Variants in GLIS1 observed in about 807,000 individuals in gnomAD.
GLIS1 encodes the protein GLIS family zinc finger 1.
In GLIS1, 24 loss-of-function variants were observed where a neutral mutation model predicts 63.8. The ratio of observed to expected loss-of-function variants is 0.38; its 90% CI spans 0.27 to 0.53. The LOEUF (loss-of-function observed/expected upper bound fraction) is 0.53, where lower values mean the gene tolerates loss of function less well. Ranked by LOEUF, GLIS1 falls within the 20% of genes least tolerant of loss-of-function variation. GLIS1 has a pLI of 0.85. For synonymous variants in GLIS1, 450 were observed against 482.5 expected (o/e 0.93, Z 0.88); for missense variants, 1,036 against 1,074.1 (o/e 0.96, Z 0.50).
chr1:53,553,007 GACTA>G (rs1258570375), intron 4 of GLIS1, among the ~76,000 whole-genome samples: 1 of 152,214 alleles, frequency 6.6e-6, no homozygotes, highest in Non-Finnish European at 1.5e-5. Flanking sequence ...CTGGTGGCAG[GACTA>G]ACTGTGTCAG....
At chr1:53,531,152 G>A (rs1356317863) in intron 4 of GLIS1, among the ~76,000 whole-genome samples, 2 of 152,226 alleles carry the variant, frequency 1.3e-5, no homozygotes, top group Non-Finnish European at 2.9e-5. Flanking sequence ...CCTAGGGCAG[G>A]TGACCCTTGA....
chr1:53,573,446 G>A (rs965724838), intron 4 of GLIS1, among the ~76,000 whole-genome samples: 1 of 152,148 alleles, frequency 6.6e-6, no homozygotes, highest in Non-Finnish European at 1.5e-5. Flanking sequence ...TGACCACCCC[G>A]GCCTGAAGGA....
chr1:53,707,563 T>C (rs187407750), intron 2 of GLIS1, among the ~76,000 whole-genome samples: 1 of 151,640 alleles, frequency 6.6e-6, no homozygotes, highest in East Asian at 1.9e-4. Context: ...GGCAGGAGAA[T>C]CACTTGAACC....
At chr1:53,704,832 C>T (rs1646561008) in intron 2 of GLIS1, among the ~76,000 whole-genome samples, 1 of 152,204 alleles carries the variant, frequency 6.6e-6, no homozygotes, top group East Asian at 1.9e-4. Context: ...GAGACAACTG[C>T]TCTCTGTAAC....
chr1:53,508,675 T>C (rs1644262852), intron 10 of GLIS1, among the ~76,000 whole-genome samples: 1 of 152,106 alleles, frequency 6.6e-6, no homozygotes, highest in Non-Finnish European at 1.5e-5. Context: ...ACCAGGTACC[T>C]AAGTGGGGAA....
At chr1:53,690,390 C>G (rs1646389587) in intron 2 of GLIS1, among the ~76,000 whole-genome samples, 1 of 152,246 alleles carries the variant, frequency 6.6e-6, no homozygotes, top group Non-Finnish European at 1.5e-5. Context: ...GCGGCTTCCA[C>G]TGGCCTCATA....
intron 3 of GLIS1, among the ~76,000 whole-genome samples, chr1:53,595,230 C>T (rs1224777273): frequency 6.6e-6 from 1 of 152,086 alleles, no homozygotes; most frequent in Non-Finnish European, 1.5e-5. Context: ...AAAGAAGAGG[C>T]AGGAGGCCAG....
intron 4 of GLIS1, among the ~76,000 whole-genome samples, chr1:53,533,469 A>C (rs1438509971): frequency 6.6e-6 from 1 of 152,154 alleles, no homozygotes; most frequent in Non-Finnish European, 1.5e-5. Context: ...GTGCCCATGT[A>C]TGTTGGCCCA....
intron 2 of GLIS1, among the ~76,000 whole-genome samples, chr1:53,668,340 T>A (rs1376876503): frequency 6.6e-6 from 1 of 152,180 alleles, no homozygotes; most frequent in African/African-American, 2.4e-5. Context: ...TCCTGTATTT[T>A]TACTCTACCT....
chr1:53,641,233 C>A (rs1244404660), intron 2 of GLIS1, among the ~76,000 whole-genome samples: 1 of 152,122 alleles, frequency 6.6e-6, no homozygotes, highest in Non-Finnish European at 1.5e-5. Flanking sequence ...CTGGGCTGGA[C>A]CTTGGGCAAG....
intron 2 of GLIS1, among the ~76,000 whole-genome samples, chr1:53,671,638 C>G (rs1268678644): frequency 6.6e-6 from 1 of 152,212 alleles, no homozygotes; most frequent in Non-Finnish European, 1.5e-5. Flanking sequence ...TATTCAGGGA[C>G]AGACTGGAAG....
intron 2 of GLIS1, among the ~76,000 whole-genome samples, chr1:53,694,359 T>C (rs1000092585): frequency 2.0e-5 from 3 of 152,208 alleles, no homozygotes; most frequent in Non-Finnish European, 4.4e-5. Context: ...CCTCACCCTG[T>C]GGACTCAAGT....
chr1:53,594,340 C>G lies in GLIS1; in HGVS notation c.1088G>C (p.Gly363Ala). ...SLGGLGLGLA[G>A]RVVAGRQACR... ...CGCCTGCCGCCCGGCCACCACCCTG[C>G]CTGCCAGGCCCAGCCCCAGGCCTCC... The change falls in exon 4 of 11, where the codon GGC becomes GCC. Residue 363 changes from glycine (G) to alanine (A), a missense_variant. This residue lies in a region of GLIS1 where 592 missense variants were observed against 593.9 expected (regional missense o/e 1.00). Coordinates refer to ENST00000628545, the MANE Select transcript of GLIS1 (RefSeq NM_001367484.1). 1 of 1,611,562 alleles carries G rather than the reference C, an allele frequency of 6.2e-7. No homozygotes were observed. The highest frequency in any genetic ancestry group is 2.2e-5 in the East Asian group (1 of 44,848).
At chr1:53,610,457 A>G (rs2948050) in intron 2 of GLIS1, among the ~76,000 whole-genome samples, 114,619 of 152,126 alleles carry the variant, frequency 0.75, 43,332 homozygotes, top group Middle Eastern at 0.86. Flanking sequence ...TAGAATTCTA[A>G]GTTGGCAGTT....
intron 2 of GLIS1, among the ~76,000 whole-genome samples, chr1:53,648,246 AT>A (rs1179215938): frequency 1.3e-5 from 2 of 152,200 alleles, no homozygotes; most frequent in Non-Finnish European, 2.9e-5. Flanking sequence ...TGGTCAAAAA[AT>A]ATATGAAATG....
intron 4 of GLIS1, among the ~76,000 whole-genome samples, chr1:53,545,145 A>G (rs1055207741): frequency 2.0e-5 from 3 of 151,900 alleles, no homozygotes; most frequent in African/African-American, 7.3e-5. Flanking sequence ...ACCACCTAAT[A>G]CCCTAATTTG....
At position 53,598,836 on chromosome 1, in the gene GLIS1, A is replaced by C. The variant is rs1363279568; in HGVS notation, c.437+1265T>G. On this transcript the variant is annotated intron_variant, in intron 3 of 10. Coordinates refer to ENST00000628545, the MANE Select transcript of GLIS1 (RefSeq NM_001367484.1). The surrounding 1 kb of genome is among the most constrained non-coding windows in gnomAD (Gnocchi z 4.6). Reference sequence around the variant, plus strand: ...TAAATTCTCAAAGGAAAATGGTTGCACTTGGGAAGAACAGCATCCTTCTAT... The same window carrying C: ...TAAATTCTCAAAGGAAAATGGTTGCCCTTGGGAAGAACAGCATCCTTCTAT... 6.6e-6 allele frequency among the ~76,000 whole-genome samples: 1 copy of C among 152,234 alleles called. No homozygotes were observed. Among genetic ancestry groups the C allele is most frequent in the African/African-American group, 2.4e-5 (1 of 41,460 alleles).
chr1:53,644,871 T>C (rs566958896), intron 2 of GLIS1, among the ~76,000 whole-genome samples: 1 of 152,330 alleles, frequency 6.6e-6, no homozygotes, highest in East Asian at 1.9e-4. Context: ...TCCACTGGTA[T>C]AAAAGGATCA....
chr1:53,570,956 A>G (rs1644978500), intron 4 of GLIS1, among the ~76,000 whole-genome samples: 1 of 152,252 alleles, frequency 6.6e-6, no homozygotes, highest in African/African-American at 2.4e-5. Flanking sequence ...AAAGATTGAT[A>G]AATTCCACTC....
Sources: gnomAD v4.1 joint callset for allele counts (sites outside exome capture counted in the v4.1 genomes callset) on GRCh38, gnomAD v4.1.1 for gene constraint, gnomAD v4.1.1 regional missense constraint, Gnocchi (gnomAD v3.1) non-coding constraint, MANE v1.5 for transcripts, NCBI Gene and HGNC (gene_info 2026-07-23, HGNC 2026-07-21) for gene names.